TMEM207: variants seen among roughly 807,000 people sequenced by gnomAD.
TMEM207 encodes transmembrane protein 207, also known as SRSR846.
A neutral mutation model predicts 17.4 loss-of-function variants in TMEM207; 15 were observed. That is an observed-to-expected ratio of 0.86 (90% CI 0.58 to 1.33). The LOEUF is 1.33. TMEM207 is among the 40% of genes most tolerant of loss of function. TMEM207 has a pLI of 0.00. For missense variants in TMEM207, 205 were observed against 173.8 expected, an observed-to-expected ratio of 1.18 and a Z score of -1.01; for synonymous variants, 70 against 65.6, an observed-to-expected ratio of 1.07 and a Z score of -0.33.
chr3:190,429,713 C>T lies in TMEM207; in HGVS notation c.323G>A (p.Ser108Asn). The change falls in exon 5 of 5, where the codon AGT becomes AAT. Residue 108 changes from serine to asparagine, a missense_variant. Transcript: ENST00000354905. ...TTGAAGGTGAATTCCAACAGTTGGA[C>T]TCACAGCTGCTTCTGTCCCTGGAAA... ...DSIYGTEAAV[S>N]PTVGIHLQTQ... is the part of the protein sequence containing the mutation. 6.2e-7 allele frequency: 1 copy of T among 1,608,554 alleles called. No individual in the cohort carries two copies. The highest frequency in any genetic ancestry group is 8.5e-7 in the Non-Finnish European group (1 of 1,177,576).
At chr3:190,430,996 T>C (rs66813209) in intron 4 of TMEM207, among the ~76,000 whole-genome samples, 30,231 of 152,110 alleles carry the variant, frequency 0.2, 3,264 homozygotes, top group East Asian at 0.36. Context: ...ATGATTACTT[T>C]GAAGCAGATA....
At chr3:190,435,811 C>T (rs1442125465) in intron 4 of TMEM207, among the ~76,000 whole-genome samples, 3 of 152,182 alleles carry the variant, frequency 2.0e-5, no homozygotes, top group Non-Finnish European at 4.4e-5. Flanking sequence ...AACCCACGGA[C>T]CTCTCCCAGA....
intron 2 of TMEM207, among the ~76,000 whole-genome samples, chr3:190,443,652 C>G (rs1341520385): frequency 6.6e-6 from 1 of 152,128 alleles, no homozygotes; most frequent in Non-Finnish European, 1.5e-5. Context: ...TCCATATGCT[C>G]CCCTCCTCGA....
At position 190,434,729 on chromosome 3, in the gene TMEM207, C is replaced by T. The variant is rs754070500; in HGVS notation, c.305-4998G>A. ...GGAACTAAGAAGGTCTCAGAAGCTA[C>T]GGCATGGATGATGCCATTTGAGAAG... On this transcript the variant is annotated intron_variant, in intron 4 of 4. Coordinates refer to ENST00000354905, the MANE Select transcript of TMEM207 (RefSeq NM_207316.3). 2.6e-5 allele frequency among the ~76,000 whole-genome samples: 4 copies of T among 152,312 alleles called. No homozygotes were observed. In the East Asian group the frequency reaches 5.8e-4, roughly 22 times the overall value.
At chr3:190,440,450 C>T (rs1719906573) in intron 3 of TMEM207, 61 bp from the exon 4 acceptor site, 6 of 1,486,974 alleles carry the variant, frequency 4.0e-6, no homozygotes, top group Non-Finnish European at 5.4e-6. Context: ...TTAAGAGCTT[C>T]CATCACTACC....
At chr3:190,430,864 G>A (rs1719677085) in intron 4 of TMEM207, among the ~76,000 whole-genome samples, 1 of 152,080 alleles carries the variant, frequency 6.6e-6, no homozygotes, top group African/African-American at 2.4e-5. Context: ...CCTTAAAGGA[G>A]TAAGATTTGA....
intron 1 of TMEM207, among the ~76,000 whole-genome samples, chr3:190,449,265 G>A (rs1258150434): frequency 1.3e-5 from 2 of 152,140 alleles, no homozygotes; most frequent in African/African-American, 4.8e-5. Context: ...ATCTAGAGAT[G>A]CACGTGTTAG....
chr3:190,430,140 A>G (rs933478357), intron 4 of TMEM207, among the ~76,000 whole-genome samples: 4 of 152,336 alleles, frequency 2.6e-5, no homozygotes, highest in African/African-American at 9.6e-5. Context: ...TTTTACATGT[A>G]TGGTTGCAAA....
At chr3:190,443,149 T>C (rs1451499999) in intron 2 of TMEM207, among the ~76,000 whole-genome samples, 1 of 130,104 alleles carries the variant, frequency 7.7e-6, no homozygotes, top group Admixed American at 7.2e-5. Flanking sequence ...AAAAAGCTTT[T>C]TTTTTTTTTT....
At chr3:190,432,210 A>G (rs1433548163) in intron 4 of TMEM207, among the ~76,000 whole-genome samples, 1 of 152,234 alleles carries the variant, frequency 6.6e-6, no homozygotes, top group Non-Finnish European at 1.5e-5. Flanking sequence ...TATGTTTTTA[A>G]GAATCACTCA....
chr3:190,432,575 G>C (rs1182058192), intron 4 of TMEM207, among the ~76,000 whole-genome samples: 1 of 152,088 alleles, frequency 6.6e-6, no homozygotes, highest in Non-Finnish European at 1.5e-5. Context: ...CTGAAAATAA[G>C]TCACAGAATA....
At chr3:190,442,190 C>G (rs1403762996) in intron 2 of TMEM207, among the ~76,000 whole-genome samples, 1 of 152,168 alleles carries the variant, frequency 6.6e-6, no homozygotes, top group Admixed American at 6.5e-5. Context: ...CTCACTATGC[C>G]TAACATGGCA....
Position 190,440,384 on chromosome 3 carries a change from A to G in TMEM207, c.164T>C (p.Leu55Pro). 2.5e-6 allele frequency: 4 copies of G among 1,610,168 alleles called. No individual in the cohort carries two copies. The highest frequency in any genetic ancestry group is 3.4e-6 in the Non-Finnish European group (4 of 1,178,804). ...AGCTGCCACCAAAACCAGCAGCAGG[A>G]GGATCCTGACTCCAAAAGTAACCGA... is the stretch of plus-strand genomic sequence containing the variant. ...QHPNGWYIWI[L>P]LLLVLVAALL... The change falls in exon 4 of 5, where the codon CTC (leucine) becomes CCC (proline). Residue 55 changes from leucine (L) to proline (P), a missense_variant. Coordinates refer to ENST00000354905, the MANE Select transcript of TMEM207 (RefSeq NM_207316.3).
intron 2 of TMEM207, among the ~76,000 whole-genome samples, chr3:190,446,871 G>A (rs940800185): frequency 1.3e-5 from 2 of 152,160 alleles, no homozygotes; most frequent in East Asian, 3.8e-4. Flanking sequence ...AGTCAGATAA[G>A]CATGCAAACA....
chr3:190,430,078 G>A (rs2108530391), intron 4 of TMEM207, among the ~76,000 whole-genome samples: 1 of 152,188 alleles, frequency 6.6e-6, no homozygotes, highest in East Asian at 1.9e-4. Context: ...GCCAACATGG[G>A]AAATGTAAAT....
chr3:190,438,993 C>T (rs1031485684), intron 4 of TMEM207, among the ~76,000 whole-genome samples: 2 of 151,126 alleles, frequency 1.3e-5, no homozygotes, highest in Non-Finnish European at 1.5e-5. Flanking sequence ...ATCGAGACCA[C>T]GGTGAAACCC....
At chr3:190,430,972 G>T (rs13325242) in intron 4 of TMEM207, among the ~76,000 whole-genome samples, 22 of 152,104 alleles carry the variant, frequency 1.4e-4, no homozygotes, top group Non-Finnish European at 2.8e-4. Context: ...GGATCCATAC[G>T]GAGATTACTC....
chr3:190,436,657 A>G (rs969427084), intron 4 of TMEM207, among the ~76,000 whole-genome samples: 2 of 152,204 alleles, frequency 1.3e-5, no homozygotes, highest in African/African-American at 4.8e-5. Context: ...TTAGGTAGGA[A>G]GAATGATTTG....
rs1439528172 is a variant in TMEM207 at position 190,428,903 on chromosome 3, G to A, written c.*692C>T. The A allele has an allele frequency of 6.6e-6, 1 of 152,150 alleles. No homozygotes were observed. The highest frequency in any genetic ancestry group is 1.5e-5 in the Non-Finnish European group (1 of 68,032). The allele number at this position is 152,150 out of a possible 1,614,324, so 9.4% of individuals were successfully genotyped here. On this transcript the variant is annotated 3_prime_UTR_variant, in exon 5 of 5. Transcript: ENST00000354905. ...CAGAGAAACACTATGGACTATGGAG[G>A]CCACATTCATTACTGTAAAAGGGGA... is the stretch of plus-strand genomic sequence containing the variant.
Sources: allele counts gnomAD v4.1 joint callset (sites outside exome capture counted in the v4.1 genomes callset), GRCh38; gene constraint gnomAD v4.1.1; transcripts MANE v1.5; gene names NCBI Gene and HGNC (gene_info 2026-07-23, HGNC 2026-07-21).